KCNIP1: variants seen among roughly 807,000 people sequenced by gnomAD.
The protein encoded by KCNIP1 is potassium voltage-gated channel interacting protein 1.
KCNIP1 carries 18 observed loss-of-function variants against 33.0 expected under a neutral mutation model. That is an observed-to-expected ratio of 0.55 (90% CI 0.38 to 0.81). The LOEUF (loss-of-function observed/expected upper bound fraction) is 0.81, where lower values mean the gene tolerates loss of function less well. KCNIP1 is among the 30% of genes least tolerant of loss of function. The pLI is 0.00. For missense variants in KCNIP1, 238 were observed against 271.6 expected, an observed-to-expected ratio of 0.88 and a Z score of 0.87; for synonymous variants, 93 against 98.3, an observed-to-expected ratio of 0.95 and a Z score of 0.32.
At chr5:170,632,723 T>C (rs1403793509) in intron 1 of KCNIP1, among the ~76,000 whole-genome samples, 1 of 152,228 alleles carries the variant, frequency 6.6e-6, no homozygotes, top group East Asian at 1.9e-4. Context: ...ATTTAATAAG[T>C]GGAAGAGCCC....
chr5:170,729,528 C>T (rs10475952), intron 5 of KCNIP1, among the ~76,000 whole-genome samples: 37,850 of 151,564 alleles, frequency 0.25, 5,966 homozygotes, highest in East Asian at 0.81. Flanking sequence ...TAAATCTACA[C>T]GAATATATAA....
chr5:170,427,115 TC>T, intron 1 of KCNIP1, among the ~76,000 whole-genome samples: 1 of 151,878 alleles, frequency 6.6e-6, no homozygotes, highest in Middle Eastern at 3.4e-3. Flanking sequence ...TAGGGGAGAG[TC>T]ATGGCCTCCC....
intron 1 of KCNIP1, among the ~76,000 whole-genome samples, chr5:170,399,552 T>C (rs187034860): frequency 2.7e-4 from 41 of 152,262 alleles, no homozygotes; most frequent in African/African-American, 9.4e-4. Flanking sequence ...TAAAAATCAA[T>C]CAAGATTCAA....
chr5:170,427,595 G>A (rs1755643245), intron 1 of KCNIP1, among the ~76,000 whole-genome samples: 1 of 152,106 alleles, frequency 6.6e-6, no homozygotes, highest in South Asian at 2.1e-4. Flanking sequence ...CTCACCCAGG[G>A]GTTCCCAGCC....
At chr5:170,562,947 A>G (rs1231187750) in intron 1 of KCNIP1, among the ~76,000 whole-genome samples, 1 of 152,220 alleles carries the variant, frequency 6.6e-6, no homozygotes, top group East Asian at 1.9e-4. Flanking sequence ...CACTCTGGAA[A>G]TGGAGTCCAG....
chr5:170,464,324 T>A (rs1581216224), intron 1 of KCNIP1, among the ~76,000 whole-genome samples: 1 of 152,284 alleles, frequency 6.6e-6, no homozygotes, highest in East Asian at 1.9e-4. Context: ...GCAAAGTGAT[T>A]TACAGATTTA....
chr5:170,367,433 AGAAAGGAAAGAAAG>A (rs1763721232), intron 1 of KCNIP1, among the ~76,000 whole-genome samples: 2 of 149,182 alleles, frequency 1.3e-5, no homozygotes, highest in African/African-American at 2.5e-5. Flanking sequence ...AAAGAAAGAA[AGAAAGGAAAGAAAG>A]GAAAGAAAGA....
chr5:170,601,710 C>G (rs568082280), intron 1 of KCNIP1, among the ~76,000 whole-genome samples: 1 of 152,202 alleles, frequency 6.6e-6, no homozygotes, highest in Non-Finnish European at 1.5e-5. Flanking sequence ...ACAGAAGGGC[C>G]AGATCCCATT....
intron 1 of KCNIP1, among the ~76,000 whole-genome samples, chr5:170,474,922 C>T (rs935579782): frequency 1.3e-5 from 2 of 152,228 alleles, no homozygotes; most frequent in Non-Finnish European, 1.5e-5. Flanking sequence ...GGGTTGCCGC[C>T]GCTGGTCAGG....
chr5:170,642,874 C>T (rs887297619), intron 1 of KCNIP1, among the ~76,000 whole-genome samples: 2 of 152,188 alleles, frequency 1.3e-5, no homozygotes, highest in East Asian at 3.8e-4. Flanking sequence ...TTATTATCTC[C>T]ATTTTACACT....
At chr5:170,429,345 C>T (rs1004066073) in intron 1 of KCNIP1, among the ~76,000 whole-genome samples, 7 of 151,910 alleles carry the variant, frequency 4.6e-5, no homozygotes, top group Admixed American at 2.0e-4. Flanking sequence ...CACAGTCCTA[C>T]TTCAGCCTAG....
rs772854141 is a variant in KCNIP1, at chr5:170,736,154, G to A, written c.*348G>A. ...GCTGCTTACGTGCCCCCAGCCCACT[G>A]CCTCCAAGTCAGGCAGACCTTGGTG... On this transcript the variant is annotated 3_prime_UTR_variant, in exon 8 of 8. Coordinates refer to ENST00000328939, the MANE Select transcript of KCNIP1 (RefSeq NM_014592.4). 1.8e-5 allele frequency: 4 copies of A among 219,260 alleles called. No homozygotes were observed. Among genetic ancestry groups the A allele is most frequent in the Middle Eastern group, 1.4e-3 (1 of 690 alleles). 13.6% of individuals were successfully genotyped at this position (219,260 alleles called of 1,614,324 possible). A position where few individuals can be genotyped will look rare whatever the true frequency, so the allele number is the denominator to read the frequency against.
At chr5:170,437,947 C>T (rs1755902830) in intron 1 of KCNIP1, among the ~76,000 whole-genome samples, 2 of 152,196 alleles carry the variant, frequency 1.3e-5, no homozygotes, top group South Asian at 2.1e-4. Context: ...GCCAATCCCC[C>T]GATTTCACAC....
intron 1 of KCNIP1, among the ~76,000 whole-genome samples, chr5:170,598,902 C>CGTGTGTGT (rs1251870404): frequency 5.9e-5 from 3 of 50,428 alleles, no homozygotes; most frequent in African/African-American, 2.4e-4. Context: ...TGTGTGTGTG[C>CGTGTGTGT]GCGTGTGTGT....
intron 1 of KCNIP1, among the ~76,000 whole-genome samples, chr5:170,393,436 G>A (rs913948036): frequency 4.6e-5 from 7 of 152,192 alleles, no homozygotes; most frequent in Non-Finnish European, 5.9e-5. Context: ...TAGCGAAGCT[G>A]TGCGTTCACA....
At chr5:170,439,159 G>C (rs1179758344) in intron 1 of KCNIP1, among the ~76,000 whole-genome samples, 1 of 152,200 alleles carries the variant, frequency 6.6e-6, no homozygotes, top group Non-Finnish European at 1.5e-5. Flanking sequence ...CTGGGAATAA[G>C]GGCTTCTATA....
At chr5:170,688,016 G>GCAT (rs927028790) in intron 1 of KCNIP1, among the ~76,000 whole-genome samples, 5 of 72,776 alleles carry the variant, frequency 6.9e-5, no homozygotes, top group African/African-American at 6.2e-4. Flanking sequence ...AAATATGACT[G>GCAT]TATTATAATA....
chr5:170,486,111 G>A (rs1055957199), intron 1 of KCNIP1: 1 of 152,068 alleles, frequency 6.6e-6, no homozygotes, highest in Non-Finnish European at 1.5e-5. Flanking sequence ...CAGAGAGGCT[G>A]AGCGTGTTGA....
chr5:170,709,774 A>C (rs1012959951), intron 1 of KCNIP1, among the ~76,000 whole-genome samples: 4 of 152,006 alleles, frequency 2.6e-5, no homozygotes, highest in African/African-American at 9.7e-5. Flanking sequence ...ATCATTATTT[A>C]TCTCTTTCTT....
Sources: allele counts gnomAD v4.1 joint callset (sites outside exome capture counted in the v4.1 genomes callset), GRCh38; gene constraint gnomAD v4.1.1; transcripts MANE v1.5; gene names NCBI Gene and HGNC (gene_info 2026-07-23, HGNC 2026-07-21).